DPP10: variants seen among roughly 807,000 people sequenced by gnomAD.
DPP10 encodes dipeptidyl peptidase like 10.
A neutral mutation model predicts 120.9 loss-of-function variants in DPP10; 33 were observed. The ratio of observed to expected loss-of-function variants is 0.27; its 90% CI spans 0.21 to 0.37. The LOEUF is 0.37. Ranked by LOEUF, DPP10 falls within the 10% of genes least tolerant of loss-of-function variation. The probability of loss-of-function intolerance (pLI) is 1.00; values close to 1 mark genes in which losing one functional copy is unlikely to be tolerated. For missense variants in DPP10, 816 were observed against 942.8 expected, an observed-to-expected ratio of 0.87 and a Z score of 1.76; for synonymous variants, 337 against 326.1, an observed-to-expected ratio of 1.03 and a Z score of -0.36.
chr2:115,392,579 C>T (rs1006662275), intron 3 of DPP10, among the ~76,000 whole-genome samples: 3 of 151,876 alleles, frequency 2.0e-5, no homozygotes, highest in Non-Finnish European at 4.4e-5. Flanking sequence ...CATGCAAAAC[C>T]AAGTGAATAT....
At chr2:114,785,462 G>T (rs1488596391) in intron 1 of DPP10, among the ~76,000 whole-genome samples, 34 of 152,040 alleles carry the variant, frequency 2.2e-4, no homozygotes, top group Admixed American at 2.2e-3. Flanking sequence ...AAAGAACCTG[G>T]TTTATGCAGG....
chr2:115,465,442 A>G (rs1045968438), intron 3 of DPP10, among the ~76,000 whole-genome samples: 11 of 152,228 alleles, frequency 7.2e-5, no homozygotes, highest in African/African-American at 2.2e-4. Context: ...TATTACACAC[A>G]GAATATGAGA....
intron 19 of DPP10, among the ~76,000 whole-genome samples, chr2:115,813,590 T>G (rs1686897706): frequency 6.6e-6 from 1 of 152,236 alleles, no homozygotes; most frequent in South Asian, 2.1e-4. Flanking sequence ...GAGAACATAA[T>G]TCAGCCCCTA....
intron 5 of DPP10, among the ~76,000 whole-genome samples, chr2:115,561,358 CAAAAAA>C (rs11421762): frequency 0.011 from 634 of 59,744 alleles, 4 homozygotes; most frequent in Admixed American, 0.014. Context: ...GACTCCATCA[CAAAAAA>C]AAAAAAAAAA....
At chr2:114,466,552 G>C (rs1006749907) in intron 1 of DPP10, among the ~76,000 whole-genome samples, 2 of 152,026 alleles carry the variant, frequency 1.3e-5, no homozygotes, top group African/African-American at 4.8e-5. Context: ...TTAATTTCTT[G>C]GAGCATGGCC....
intron 1 of DPP10, among the ~76,000 whole-genome samples, chr2:115,298,315 G>A (rs971251106): frequency 3.3e-5 from 5 of 152,056 alleles, no homozygotes; most frequent in South Asian, 2.1e-4. Context: ...TAGATCAACC[G>A]TGTATGTAAC....
At chr2:115,823,179 T>C (rs1323742817) in intron 21 of DPP10, among the ~76,000 whole-genome samples, 3 of 152,110 alleles carry the variant, frequency 2.0e-5, no homozygotes, top group African/African-American at 7.2e-5. Flanking sequence ...AGTTTATCTT[T>C]CTTGGAATTT....
At chr2:115,827,909 A>G (rs1317503239) in intron 21 of DPP10, among the ~76,000 whole-genome samples, 1 of 152,038 alleles carries the variant, frequency 6.6e-6, no homozygotes, top group Non-Finnish European at 1.5e-5. Flanking sequence ...AAAGTGAGTT[A>G]TTTTTAAACA....
At chr2:114,670,844 A>C (rs1490636353) in intron 1 of DPP10, among the ~76,000 whole-genome samples, 1 of 152,198 alleles carries the variant, frequency 6.6e-6, no homozygotes, top group Admixed American at 6.6e-5. Context: ...TCATCTTAGA[A>C]GTAAATAATT....
At position 115,318,514 on chromosome 2, in the gene DPP10, T is replaced by C. The variant is rs575907977; in HGVS notation, c.175+9161T>C. Among the ~76,000 whole-genome samples the C allele has an allele frequency of 3.9e-5, 6 of 152,256 alleles. No individual in the cohort carries two copies. The South Asian group carries it at 8.3e-4, about 21-fold the overall frequency. On this transcript the variant is annotated intron_variant, in intron 2 of 25. Transcript: ENST00000410059. ...TTGAGTCTGTATTTGCTTTAGGTAA[T>C]ATTACCATCTTAGAAATATTAGTGT...
intron 13 of DPP10, among the ~76,000 whole-genome samples, chr2:115,773,342 A>T (rs924840547): frequency 6.6e-6 from 1 of 152,122 alleles, no homozygotes; most frequent in African/African-American, 2.4e-5. Flanking sequence ...ATCGCATTAT[A>T]AAACCAATAT....
chr2:114,943,224 C>A (rs1327858502), intron 1 of DPP10, among the ~76,000 whole-genome samples: 1 of 152,070 alleles, frequency 6.6e-6, no homozygotes, highest in Non-Finnish European at 1.5e-5. Flanking sequence ...GCAAAGGACA[C>A]GAACTCATCC....
In DPP10 at chr2:115,742,009, C is replaced by T. The variant is rs191089461; in HGVS notation, c.852+2116C>T. ...AATATTGCTTAATAGTAAAGATAGG[C>T]GTAACATAATAATCTTTGTTTATTA... On this transcript the variant is annotated intron_variant, in intron 9 of 25. Coordinates refer to ENST00000410059, the MANE Select transcript of DPP10 (RefSeq NM_020868.6). Among the ~76,000 whole-genome samples, 142 of 152,162 alleles carry T rather than the reference C, an allele frequency of 9.3e-4. 1 individual carries two copies. Among genetic ancestry groups the T allele is most frequent in the Middle Eastern group, 3.4e-3 (1 of 294 alleles).
At chr2:114,794,560 C>T (rs1683532048) in intron 1 of DPP10, among the ~76,000 whole-genome samples, 1 of 152,180 alleles carries the variant, frequency 6.6e-6, no homozygotes, top group African/African-American at 2.4e-5. Context: ...CTTTGAGAAG[C>T]TCATCAAAAT....
chr2:114,649,053 G>A (rs1696364896), intron 1 of DPP10, among the ~76,000 whole-genome samples: 1 of 152,190 alleles, frequency 6.6e-6, no homozygotes, highest in Non-Finnish European at 1.5e-5. Flanking sequence ...TATAGAATGT[G>A]CTGGTAATTT....
intron 3 of DPP10, among the ~76,000 whole-genome samples, chr2:115,451,566 T>C (rs1051611812): frequency 6.6e-6 from 1 of 151,930 alleles, no homozygotes; most frequent in Non-Finnish European, 1.5e-5. Context: ...TTGATAGAAG[T>C]CACTTAATTA....
intron 19 of DPP10, among the ~76,000 whole-genome samples, chr2:115,800,847 A>G (rs1328669628): frequency 2.0e-5 from 3 of 151,970 alleles, no homozygotes; most frequent in African/African-American, 7.3e-5. Context: ...GCCTTGTAGT[A>G]TAGTTTGAAG....
At chr2:115,071,101 G>A (rs893984726) in intron 1 of DPP10, among the ~76,000 whole-genome samples, 3 of 152,146 alleles carry the variant, frequency 2.0e-5, no homozygotes, top group Admixed American at 2.0e-4. Flanking sequence ...CTGACTGCTT[G>A]CCAATTAAAC....
chr2:115,768,983 G>T (rs1166024319), intron 13 of DPP10, among the ~76,000 whole-genome samples: 1 of 151,480 alleles, frequency 6.6e-6, no homozygotes, highest in Non-Finnish European at 1.5e-5. Context: ...GAGGGGAAAG[G>T]TTACTTTTTA....
Sources: allele counts gnomAD v4.1 joint callset (sites outside exome capture counted in the v4.1 genomes callset), GRCh38; gene constraint gnomAD v4.1.1; transcripts MANE v1.5; gene names NCBI Gene and HGNC (gene_info 2026-07-23, HGNC 2026-07-21).